Variants in NFATC2 observed in about 807,000 individuals in gnomAD.
NFATC2 encodes the protein nuclear factor of activated T cells 2.
Under a neutral mutation model 87.3 loss-of-function variants are expected in NFATC2, and 22 were observed. That is an observed-to-expected ratio of 0.25 (90% confidence interval 0.18 to 0.36). The LOEUF (loss-of-function observed/expected upper bound fraction) is 0.36. Ranked by LOEUF, NFATC2 falls within the 10% of genes least tolerant of loss-of-function variation. The pLI is 1.00. For missense variants in NFATC2, 1,149 were observed against 1,259.1 expected (o/e 0.91, Z 1.32); for synonymous variants, 565 against 542.2 (o/e 1.04, Z -0.58).
rs867654980 is a variant in NFATC2 at position 51,523,556 on chromosome 20, C to A, written c.685G>T (p.Asp229Tyr). ...GGCGAGTGGCGGCCCAGGCAGCTGT[C>A]CTCGGCGAGGCTGGTTCGAGGTGAC... ...IMSPRTSLAE[D>Y]SCLGRHSPVP... Residue 229 changes from aspartate (D) to tyrosine (Y), a missense_variant, in exon 2 of 11, where the codon GAC becomes TAC. By Grantham distance (160) the Asp-to-Tyr change is radical. This residue lies in a region of NFATC2 where 563 missense variants were observed against 585.2 expected (regional missense o/e 0.96). Coordinates refer to ENST00000371564, the MANE Select transcript of NFATC2 (RefSeq NM_012340.5). The surrounding 1 kb of genome is among the most constrained non-coding windows in gnomAD (Gnocchi z 6.9). The A allele has an allele frequency of 6.2e-7, 1 of 1,613,708 alleles. No homozygotes were observed. The highest frequency in any genetic ancestry group is 8.5e-7 in the Non-Finnish European group (1 of 1,179,818).
chr20:51,454,775 A>T (rs186343079), intron 5 of NFATC2, 87 bp from the exon 6 acceptor site: 126 of 1,457,098 alleles, frequency 8.6e-5, no homozygotes, highest in Non-Finnish European at 1.1e-4. Flanking sequence ...CTGAGATATG[A>T]CATGCTCTGC....
rs368615400 is a variant in NFATC2 at position 51,391,472 on chromosome 20, G to GT, written c.*45-22_*45-21insA. Reference sequence around the variant, plus strand: ...ATTAACTACAAAAGAAAAGAGGAGGGGGGGGGAGAGAGAATGGGGCAAGTG... The same window carrying GT: ...ATTAACTACAAAAGAAAAGAGGAGGGTGGGGGGAGAGAGAATGGGGCAAGTG... On this transcript the variant is annotated intron_variant, in intron 10 of 10. Coordinates refer to ENST00000371564, the MANE Select transcript of NFATC2 (RefSeq NM_012340.5). 721 of 1,587,044 alleles carry GT rather than the reference G, an allele frequency of 4.5e-4. 6 individuals are homozygous for GT. The highest frequency in any genetic ancestry group is 3.7e-3 in the Middle Eastern group (19 of 5,116).
At chr20:51,505,254 T>C (rs1445567708) in intron 3 of NFATC2, among the ~76,000 whole-genome samples, 3 of 151,548 alleles carry the variant, frequency 2.0e-5, no homozygotes, top group African/African-American at 7.3e-5. Context: ...TCTCTTGACC[T>C]TGTGATCTGC....
chr20:51,444,705 T>C (rs1288443819), intron 6 of NFATC2, among the ~76,000 whole-genome samples: 3 of 152,188 alleles, frequency 2.0e-5, no homozygotes, highest in Admixed American at 6.5e-5. Flanking sequence ...GCCGTGCTTT[T>C]AAAAATTAGC....
intron 6 of NFATC2, among the ~76,000 whole-genome samples, chr20:51,447,136 C>T (rs991687628): frequency 6.6e-6 from 1 of 151,950 alleles, no homozygotes; most frequent in Admixed American, 6.6e-5. Context: ...TTAAACAAAG[C>T]TCAAAATACA....
chr20:51,549,608 C>G (rs901964413), intron 1 of NFATC2, among the ~76,000 whole-genome samples: 1 of 152,278 alleles, frequency 6.6e-6, no homozygotes, highest in East Asian at 1.9e-4. Flanking sequence ...AGGATCCAAA[C>G]TGAGTTCTTC....
intron 5 of NFATC2, among the ~76,000 whole-genome samples, chr20:51,464,043 T>C (rs1460318605): frequency 2.6e-5 from 4 of 152,140 alleles, no homozygotes; most frequent in Admixed American, 1.3e-4. Context: ...GCCAGATAAC[T>C]ATTGGGGTTC....
intron 5 of NFATC2, among the ~76,000 whole-genome samples, chr20:51,462,979 T>A (rs1987306798): frequency 6.6e-6 from 1 of 152,202 alleles, no homozygotes; most frequent in African/African-American, 2.4e-5. Flanking sequence ...GCAAGAAGGT[T>A]CCTCCCATTG....
chr20:51,452,075 T>G (rs1257872837), intron 6 of NFATC2, among the ~76,000 whole-genome samples: 1 of 152,134 alleles, frequency 6.6e-6, no homozygotes, highest in Non-Finnish European at 1.5e-5. Context: ...GGACTGCTGG[T>G]GCAGAGTCTT....
At chr20:51,534,156 G>A (rs897498938) in intron 1 of NFATC2, among the ~76,000 whole-genome samples, 1 of 152,054 alleles carries the variant, frequency 6.6e-6, no homozygotes, top group Non-Finnish European at 1.5e-5. Flanking sequence ...GTTAGAGATG[G>A]GGAAATTGAG....
chr20:51,540,663 T>TTTTTTGTTCGTTTG (rs1202461916), intron 1 of NFATC2, among the ~76,000 whole-genome samples: 1 of 135,692 alleles, frequency 7.4e-6, no homozygotes, highest in Non-Finnish European at 1.6e-5. Flanking sequence ...TTTTTGTTTT[T>TTTTTTGTTCGTTTG]TTTTTTTTGA....
chr20:51,447,037 T>C (rs1985156203), intron 6 of NFATC2, among the ~76,000 whole-genome samples: 1 of 152,008 alleles, frequency 6.6e-6, no homozygotes, highest in Admixed American at 6.5e-5. Flanking sequence ...TGCTCTAAGA[T>C]GGTTCCGATT....
intron 3 of NFATC2, among the ~76,000 whole-genome samples, chr20:51,501,596 G>T (rs537083260): frequency 6.6e-6 from 1 of 152,154 alleles, no homozygotes; most frequent in East Asian, 1.9e-4. Flanking sequence ...CATTCAAACG[G>T]CACCCCTTCA....
At chr20:51,519,306 G>A (rs572730940) in intron 2 of NFATC2, among the ~76,000 whole-genome samples, 5 of 152,012 alleles carry the variant, frequency 3.3e-5, no homozygotes, top group East Asian at 1.9e-4. Context: ...GTTTGGTTCC[G>A]AAGTAGGTAT....
intron 1 of NFATC2, among the ~76,000 whole-genome samples, chr20:51,529,160 T>C (rs1422378759): frequency 6.6e-6 from 1 of 152,054 alleles, no homozygotes; most frequent in African/African-American, 2.4e-5. Context: ...TTAGCAAAAA[T>C]TCCGGCCGTA....
In NFATC2 at chr20:51,489,063, G is replaced by A. The variant is rs537222811; in HGVS notation, c.1333-13403C>T. On this transcript the variant is annotated intron_variant, in intron 3 of 10. Coordinates refer to ENST00000371564, the MANE Select transcript of NFATC2 (RefSeq NM_012340.5). ...AAATTAGCCAGACAGGGTGGCGGGCGCCTGCAATCCCAGCTACTCAGGAGG... is the reference window on the plus strand; with the variant it reads ...AAATTAGCCAGACAGGGTGGCGGGCACCTGCAATCCCAGCTACTCAGGAGG... Among the ~76,000 whole-genome samples the A allele has an allele frequency of 1.2e-4, 19 of 152,340 alleles. No homozygotes were observed. The East Asian group carries it at 2.5e-3, about 20-fold the overall frequency.
In NFATC2 at chr20:51,537,795, G is replaced by A. The variant is rs11905379; in HGVS notation, c.130+4575C>T. Among the ~76,000 whole-genome samples the A allele has an allele frequency of 1.8e-3, 272 of 152,282 alleles. 3 individuals are homozygous for A. The highest frequency in any genetic ancestry group is 4.7e-3 in the African/African-American group (197 of 41,552). ...CAGGACTCCCACATCCTTGCCCACC[G>A]GGTCTTTCTGTCACTGTGTACTTGG... On this transcript the variant is annotated intron_variant, in intron 1 of 10. Coordinates refer to ENST00000371564, the MANE Select transcript of NFATC2 (RefSeq NM_012340.5).
At chr20:51,437,913 G>A (rs1381400719) in intron 6 of NFATC2, among the ~76,000 whole-genome samples, 1 of 152,206 alleles carries the variant, frequency 6.6e-6, no homozygotes, top group Non-Finnish European at 1.5e-5. Context: ...CTGCTGGTGA[G>A]GCCAAGAAAA....
chr20:51,442,836 C>A (rs1055866859), intron 6 of NFATC2, among the ~76,000 whole-genome samples: 1 of 151,712 alleles, frequency 6.6e-6, no homozygotes, highest in Non-Finnish European at 1.5e-5. Context: ...GACTCAGCTC[C>A]GGCACAGCTG....
Sources: allele counts gnomAD v4.1 joint callset (sites outside exome capture counted in the v4.1 genomes callset), GRCh38; gene constraint gnomAD v4.1.1; regional missense constraint gnomAD v4.1.1; non-coding constraint Gnocchi (gnomAD v3.1); transcripts MANE v1.5; gene names NCBI Gene and HGNC (gene_info 2026-07-23, HGNC 2026-07-21).